Variants in PRR5 observed in about 807,000 individuals in gnomAD.
PRR5 encodes proline rich 5.
A neutral mutation model predicts 30.6 loss-of-function variants in PRR5; 25 were observed. The observed-to-expected ratio is 0.82, with a 90% CI of 0.60 to 1.14. PRR5 has a LOEUF of 1.14. Among genes scored for constraint, PRR5 ranks in the 50% most tolerant of loss-of-function variants. The probability of loss-of-function intolerance (pLI) is 0.00; values close to 1 mark genes in which losing one functional copy is unlikely to be tolerated. For synonymous variants in PRR5, 286 were observed against 247.1 expected (o/e 1.16, Z -1.48); for missense variants, 600 against 547.1 (o/e 1.10, Z -0.96).
At chr22:44,733,912 T>C (rs925758917) in intron 6 of PRR5, among the ~76,000 whole-genome samples, 1 of 152,208 alleles carries the variant, frequency 6.6e-6, no homozygotes, top group South Asian at 2.1e-4. Flanking sequence ...TGGAGTGGCC[T>C]CCCACAGCCA....
At chr22:44,732,857 C>G (rs573398919) in intron 6 of PRR5, among the ~76,000 whole-genome samples, 17 of 136,710 alleles carry the variant, frequency 1.2e-4, no homozygotes, top group Admixed American at 7.8e-5. Context: ...CACACGTGCA[C>G]ACGCACATAC....
chr22:44,719,133 G>C (rs1929548196), intron 2 of PRR5, among the ~76,000 whole-genome samples: 1 of 150,448 alleles, frequency 6.6e-6, no homozygotes, highest in African/African-American at 2.5e-5. Context: ...TTGCTGAAGA[G>C]CAGTGGCATG....
intron 6 of PRR5, 24 bp downstream of exon 6, chr22:44,732,415 G>A (rs375509595): frequency 1.6e-5 from 26 of 1,592,020 alleles, no homozygotes; most frequent in African/African-American, 9.4e-5. Flanking sequence ...GCAGAGGGTC[G>A]GGCATGGGGA....
intron 3 of PRR5, 142 bp from the exon 4 acceptor site, chr22:44,726,435 G>A (rs1920950038): frequency 1.6e-6 from 2 of 1,217,256 alleles, no homozygotes; most frequent in Admixed American, 2.1e-5. Context: ...CCTGCAGCAG[G>A]TGGACTGTGG....
intron 4 of PRR5, chr22:44,729,542 C>T (rs1921530134): frequency 7.1e-6 from 7 of 985,362 alleles, no homozygotes; most frequent in African/African-American, 3.5e-5. Context: ...TCTCAGCTTT[C>T]GACCTGCCCA....
intron 1 of PRR5, among the ~76,000 whole-genome samples, chr22:44,706,607 C>T (rs1283810244): frequency 6.6e-6 from 1 of 152,238 alleles, no homozygotes; most frequent in Non-Finnish European, 1.5e-5. Context: ...ATGGCTCAGG[C>T]AGCCTTGACT....
Position 44,695,027 on chromosome 22 carries a change from T to C in PRR5, c.-10-7465T>C, listed in dbSNP as rs572538958. ...CTCTACTAAAAATACAAAAATTAGC[T>C]AGGCGTGGTGGCAGGCACCTGTAAT... is the stretch of plus-strand genomic sequence containing the variant. On this transcript the variant is annotated intron_variant, in intron 1 of 8. Transcript: ENST00000006251. 3.2e-3 allele frequency among the ~76,000 whole-genome samples: 488 copies of C among 152,086 alleles called. 4 individuals are homozygous for C. The highest frequency in any genetic ancestry group is 0.011 in the African/African-American group (462 of 41,514).
In PRR5 at chr22:44,732,352, T is replaced by C. The variant is rs8141631; in HGVS notation, c.516T>C (p.Arg172=). 396,054 of 1,611,098 alleles carry C rather than the reference T, an allele frequency of 0.25. 54,963 individuals are homozygous for C. Among genetic ancestry groups the C allele is most frequent in the African/African-American group, 0.58 (43,413 of 74,972 alleles). ...LEDALARAHA[R]VPPAIVQMLL... is the part of the protein sequence containing the mutation. ...ATGCGCTGGCCCGGGCCCATGCCCG[T>C]GTGCCCCCTGCCATCGTGCAGATGC... The change falls in exon 6 of 8, where the codon CGT becomes CGC. Residue 172 remains arginine, a synonymous_variant. Coordinates refer to ENST00000336985, the MANE Select transcript of PRR5 (RefSeq NM_181333.4).
rs1485663818 is a variant in PRR5, at chr22:44,730,615, C to CA, written c.323-1114dup. The CA allele has an allele frequency of 6.0e-6, 6 of 998,020 alleles. No homozygotes were observed. In the African/African-American group the frequency reaches 1.0e-4, roughly 17 times the overall value. 61.8% of individuals were successfully genotyped at this position (998,020 alleles called of 1,614,324 possible). A position where few individuals can be genotyped will look rare whatever the true frequency, so the allele number is the denominator to read the frequency against. On this transcript the variant is annotated intron_variant, in intron 4 of 7. Transcript: ENST00000336985. ...TACCTACGTATCTGTTTCAGAGACT[C>CA]ACCTGTCAAGATGTGTCCCCATACC...
At chr22:44,726,526 A>C (rs1602071169) in intron 3 of PRR5, 51 bp from the exon 4 acceptor site, 1 of 1,612,192 alleles carries the variant, frequency 6.2e-7, no homozygotes, top group Non-Finnish European at 8.5e-7. Flanking sequence ...TGGCCAGGAC[A>C]CCCCCGGGCA....
At chr22:44,685,255 G>C (rs1924642201) in intron 1 of PRR5, among the ~76,000 whole-genome samples, 1 of 152,146 alleles carries the variant, frequency 6.6e-6, no homozygotes, top group Admixed American at 6.5e-5. Context: ...GGACAGTCCT[G>C]CTCTGCTGGT....
At chr22:44,700,716 G>A (rs994070409), upstream of PRR5, among the ~76,000 whole-genome samples, 5 of 152,132 alleles carry the variant, frequency 3.3e-5, no homozygotes, top group African/African-American at 9.7e-5. Flanking sequence ...GAGATGAACC[G>A]TTCCATCCCG....
intron 1 of PRR5, among the ~76,000 whole-genome samples, chr22:44,670,099 G>A (rs913474530): frequency 6.6e-6 from 1 of 152,208 alleles, no homozygotes; most frequent in African/African-American, 2.4e-5. Context: ...ATTCAGGTGT[G>A]AGCACCGCTT....
intron 1 of PRR5, among the ~76,000 whole-genome samples, chr22:44,707,861 C>T (rs1418749272): frequency 6.6e-6 from 1 of 152,230 alleles, no homozygotes; most frequent in Admixed American, 6.5e-5. Context: ...CTGTGTCTCC[C>T]AAATGCTTGA....
intron 4 of PRR5, among the ~76,000 whole-genome samples, chr22:44,729,015 A>G (rs3761482): frequency 0.37 from 56,047 of 152,080 alleles, 11,602 homozygotes; most frequent in African/African-American, 0.56. Flanking sequence ...AATCGGCTCC[A>G]GCTGCAGCCA....
At chr22:44,711,072 G>A (rs1235680722) in intron 1 of PRR5, among the ~76,000 whole-genome samples, 1 of 152,148 alleles carries the variant, frequency 6.6e-6, no homozygotes, top group African/African-American at 2.4e-5. Flanking sequence ...GGGGAGTGTG[G>A]GTGGGAGAAC....
chr22:44,734,827 C>A, intron 6 of PRR5, 200 bp from the exon 7 acceptor site: 4 of 689,120 alleles, frequency 5.8e-6, no homozygotes, highest in Non-Finnish European at 9.6e-6. Context: ...CTGCTGTGAG[C>A]AGCAGAGTGA....
At chr22:44,702,890 C>T (rs1176195667) in intron 1 of PRR5, among the ~76,000 whole-genome samples, 2 of 152,226 alleles carry the variant, frequency 1.3e-5, no homozygotes, top group Non-Finnish European at 2.9e-5. Context: ...CGGGAAGCCG[C>T]GTGCCCGCCT....
intron 1 of PRR5, among the ~76,000 whole-genome samples, chr22:44,713,880 C>T (rs1210748340): frequency 6.6e-5 from 10 of 152,200 alleles, no homozygotes; most frequent in South Asian, 4.1e-4. Flanking sequence ...CTCGGCTCAT[C>T]GCAAGCTCTG....
Sources: allele counts gnomAD v4.1 joint callset (sites outside exome capture counted in the v4.1 genomes callset), GRCh38; gene constraint gnomAD v4.1.1; transcripts MANE v1.5; gene names NCBI Gene and HGNC (gene_info 2026-07-23, HGNC 2026-07-21).